The following RNF168 variants were observed in gnomAD, a reference collection of about 807,000 sequenced individuals.
The protein encoded by RNF168 is ring finger protein 168.
In RNF168, 34 loss-of-function variants were observed where a neutral mutation model predicts 34.9. That is an observed-to-expected ratio of 0.97 (90% CI 0.74 to 1.30). The LOEUF (loss-of-function observed/expected upper bound fraction) is 1.30, where lower values mean the gene tolerates loss of function less well. RNF168 is among the 50% of genes most tolerant of loss of function. The pLI, the probability that RNF168 is intolerant of heterozygous loss-of-function variation, is 0.00. For missense variants in RNF168, 725 were observed against 682.5 expected, an observed-to-expected ratio of 1.06 and a Z score of -0.69; for synonymous variants, 264 against 254.7, an observed-to-expected ratio of 1.04 and a Z score of -0.35.
At chr3:196,489,516 C>T (rs772933498) in intron 1 of RNF168, among the ~76,000 whole-genome samples, 8 of 151,150 alleles carry the variant, frequency 5.3e-5, no homozygotes, top group Non-Finnish European at 8.9e-5. Flanking sequence ...TAATACAGAC[C>T]GGTTTTTGCC....
At chr3:196,482,654 A>C (rs1732325426) in intron 4 of RNF168, among the ~76,000 whole-genome samples, 1 of 152,186 alleles carries the variant, frequency 6.6e-6, no homozygotes, top group Non-Finnish European at 1.5e-5. Context: ...TGGGTATGAA[A>C]TGCTATATCA....
intron 1 of RNF168, among the ~76,000 whole-genome samples, chr3:196,496,035 TTTATGTA>T (rs1732735648): frequency 6.6e-6 from 1 of 152,240 alleles, no homozygotes; most frequent in Non-Finnish European, 1.5e-5. Context: ...GTAGATTCAC[TTTATGTA>T]TTATGTGTTA....
chr3:196,484,155 T>C (rs1732361056), intron 3 of RNF168, among the ~76,000 whole-genome samples: 1 of 146,600 alleles, frequency 6.8e-6, no homozygotes, highest in Non-Finnish European at 1.5e-5. Context: ...TGATAATTCC[T>C]GTTGATCTTT....
At chr3:196,501,486 G>C (rs1397194834) in intron 1 of RNF168, among the ~76,000 whole-genome samples, 8 of 152,126 alleles carry the variant, frequency 5.3e-5, no homozygotes, top group Non-Finnish European at 1.2e-4. Context: ...TATTGCATGA[G>C]TCCCTTCTAT....
intron 1 of RNF168, among the ~76,000 whole-genome samples, chr3:196,496,247 G>C (rs1260650137): frequency 1.3e-5 from 2 of 152,186 alleles, no homozygotes; most frequent in Non-Finnish European, 2.9e-5. Context: ...TTTTCTCACA[G>C]TTCTGGCTAA....
intron 3 of RNF168, among the ~76,000 whole-genome samples, chr3:196,485,327 G>A (rs924487071): frequency 9.2e-5 from 14 of 152,024 alleles, no homozygotes; most frequent in African/African-American, 3.1e-4. Flanking sequence ...GGCCAACATG[G>A]TGAAACCCCA....
chr3:196,478,112 C>T (rs1413221465), intron 4 of RNF168, among the ~76,000 whole-genome samples: 1 of 152,150 alleles, frequency 6.6e-6, no homozygotes, highest in Non-Finnish European at 1.5e-5. Context: ...TATATGTCAT[C>T]AACCCTTTCC....
At position 196,472,523 on chromosome 3, in the gene RNF168, G is replaced by C. The variant is rs139243046; in HGVS notation, c.1012C>G (p.Pro338Ala). The C allele has an allele frequency of 2.5e-6, 4 of 1,614,062 alleles. No homozygotes were observed. The African/African-American group carries it at 5.3e-5, about 22-fold the overall frequency. The change falls in exon 6 of 6, where the codon CCC (proline) becomes GCC (alanine). Residue 338 changes from proline (P) to alanine (A), a missense_variant. Coordinates refer to ENST00000318037, the MANE Select transcript of RNF168 (RefSeq NM_152617.4). ...ATAACTGCAGTTTCTTTCGAGTAGG[G>C]AACTCTGGTTTTAGGTCGCTCGTGA... ...LSHERPKTRV[P>A]YSKETAVMPC...
At chr3:196,499,660 A>T (rs573983015) in intron 1 of RNF168, among the ~76,000 whole-genome samples, 1 of 152,154 alleles carries the variant, frequency 6.6e-6, no homozygotes, top group East Asian at 1.9e-4. Context: ...ATCTCTACTA[A>T]CAATACAAAA....
chr3:196,481,455 AAAT>A (rs1732286891), intron 4 of RNF168, among the ~76,000 whole-genome samples: 1 of 151,856 alleles, frequency 6.6e-6, no homozygotes, highest in Non-Finnish European at 1.5e-5. Context: ...AAAAAAAAGG[AAAT>A]AATTTCGATG....
At chr3:196,500,462 CA>C (rs1294910317) in intron 1 of RNF168, among the ~76,000 whole-genome samples, 1 of 152,016 alleles carries the variant, frequency 6.6e-6, no homozygotes, top group Non-Finnish European at 1.5e-5. Context: ...GTCGGGTTCA[CA>C]GAAATGGAAA....
At chr3:196,501,525 A>G (rs1732885092) in intron 1 of RNF168, among the ~76,000 whole-genome samples, 1 of 152,192 alleles carries the variant, frequency 6.6e-6, no homozygotes. Context: ...AGATTCATAG[A>G]GACAGAAAGT....
At position 196,471,280 on chromosome 3, in the gene RNF168, A is replaced by T. The variant is rs1256182058; in HGVS notation, c.*539T>A. The T allele has an allele frequency of 2.1e-5, 3 of 140,764 alleles. No individual in the cohort carries two copies. The highest frequency in any genetic ancestry group is 7.9e-5 in the African/African-American group (3 of 38,032). 8.7% of individuals were successfully genotyped at this position (140,764 alleles called of 1,614,324 possible). On this transcript the variant is annotated 3_prime_UTR_variant, in exon 6 of 6. Coordinates refer to ENST00000318037, the MANE Select transcript of RNF168 (RefSeq NM_152617.4). Reference sequence around the variant, plus strand: ...GAATCCAAATTTTGAAACTCCGTCTAAAAAAAAAAAACAAACACCAAAGGA... The same window carrying T: ...GAATCCAAATTTTGAAACTCCGTCTTAAAAAAAAAAACAAACACCAAAGGA...
At chr3:196,491,571 G>A (rs1037238274) in intron 1 of RNF168, among the ~76,000 whole-genome samples, 8 of 151,826 alleles carry the variant, frequency 5.3e-5, no homozygotes, top group Admixed American at 1.3e-4. Flanking sequence ...GCTTGAACCC[G>A]GGAGGCGGAG....
At chr3:196,495,612 ATGTT>A (rs1157601222) in intron 1 of RNF168, among the ~76,000 whole-genome samples, 1 of 152,158 alleles carries the variant, frequency 6.6e-6, no homozygotes, top group Non-Finnish European at 1.5e-5. Flanking sequence ...GAGGACCGCA[ATGTT>A]TGTTTGTTCC....
chr3:196,478,441 C>T (rs899028702), intron 4 of RNF168, among the ~76,000 whole-genome samples: 5 of 152,170 alleles, frequency 3.3e-5, no homozygotes, highest in Non-Finnish European at 5.9e-5. Flanking sequence ...TTCTGCTTTC[C>T]ATACATCACG....
chr3:196,494,890 G>A (rs1273320400), intron 1 of RNF168, among the ~76,000 whole-genome samples: 1 of 152,144 alleles, frequency 6.6e-6, no homozygotes, highest in African/African-American at 2.4e-5. Flanking sequence ...TGGCGTAGTG[G>A]TGTGTGCCTG....
rs368891792 is a variant in RNF168 at position 196,503,487 on chromosome 3, C to T, written c.-314G>A. 2.0e-5 allele frequency: 8 copies of T among 404,004 alleles called. No individual in the cohort carries two copies. The highest frequency in any genetic ancestry group is 1.1e-4 in the East Asian group (2 of 17,448). 25.0% of individuals were successfully genotyped at this position (404,004 alleles called of 1,614,324 possible). ...GGCATGAACACCGCGGCTGCGGCTC[C>T]CGGGGCAGCGAGGGGAACGCGCCAA... On this transcript the variant is annotated 5_prime_UTR_variant, in exon 1 of 6. Transcript: ENST00000318037.
At chr3:196,499,851 T>G (rs1732836098) in intron 1 of RNF168, among the ~76,000 whole-genome samples, 1 of 152,140 alleles carries the variant, frequency 6.6e-6, no homozygotes, top group Admixed American at 6.5e-5. Context: ...TGAATAGATA[T>G]TTCATATTTT....
Sources: allele counts gnomAD v4.1 joint callset (sites outside exome capture counted in the v4.1 genomes callset), GRCh38; gene constraint gnomAD v4.1.1; transcripts MANE v1.5; gene names NCBI Gene and HGNC (gene_info 2026-07-23, HGNC 2026-07-21).